HIVEP3: variants seen among roughly 807,000 people sequenced by gnomAD.
HIVEP3 encodes transcription factor HIVEP3.
In HIVEP3, 49 loss-of-function variants were observed where a neutral mutation model predicts 152.8. That is an observed-to-expected ratio of 0.32 (90% confidence interval 0.26 to 0.41). The LOEUF (loss-of-function observed/expected upper bound fraction) is 0.41, where lower values mean the gene tolerates loss of function less well. HIVEP3 is among the 10% of genes least tolerant of loss of function. The pLI, the probability that HIVEP3 is intolerant of heterozygous loss-of-function variation, is 1.00. For synonymous variants in HIVEP3, 1,269 were observed against 1,289.0 expected (o/e 0.98, Z 0.33); for missense variants, 2,790 against 3,103.3 (o/e 0.90, Z 2.40).
chr1:41,804,494 G>C (rs1650488014), intron 1 of HIVEP3, among the ~76,000 whole-genome samples: 1 of 152,194 alleles, frequency 6.6e-6, no homozygotes, highest in East Asian at 1.9e-4. Flanking sequence ...GCTCATTCAA[G>C]GTCATGTACT....
intron 2 of HIVEP3, among the ~76,000 whole-genome samples, chr1:41,631,348 G>A (rs774643552): frequency 6.6e-6 from 1 of 152,278 alleles, no homozygotes; most frequent in East Asian, 1.9e-4. Context: ...TCCAGGGCCC[G>A]TACTTTAATG....
chr1:41,512,714 C>T lies in HIVEP3; in HGVS notation c.6405+102G>A, dbSNP rs1041611493. On this transcript the variant is annotated intron_variant, in intron 8 of 8. Transcript: ENST00000372583. Reference sequence around the variant, plus strand: ...AAATTATTAATAACTACTGAGCTGGCAGAGCTGTTTAGTTCCAGGTGTGAT... The same window carrying T: ...AAATTATTAATAACTACTGAGCTGGTAGAGCTGTTTAGTTCCAGGTGTGAT... 8.7e-6 allele frequency: 8 copies of T among 916,664 alleles called. No homozygotes were observed. The East Asian group carries it at 2.2e-4, about 25-fold the overall frequency. The allele number at this position is 916,664 out of a possible 1,614,324, so 56.8% of individuals were successfully genotyped here.
chr1:41,764,111 G>A (rs1048418235), intron 1 of HIVEP3, among the ~76,000 whole-genome samples: 3 of 152,176 alleles, frequency 2.0e-5, no homozygotes, highest in African/African-American at 7.2e-5. Flanking sequence ...TGGGAAGGGT[G>A]GGTTGGGGAC....
At chr1:41,614,732 G>GC (rs1644943428) in intron 3 of HIVEP3, among the ~76,000 whole-genome samples, 1 of 152,178 alleles carries the variant, frequency 6.6e-6, no homozygotes, top group South Asian at 2.1e-4. Flanking sequence ...CACTTAGAAG[G>GC]CCCCACATGG....
intron 1 of HIVEP3, among the ~76,000 whole-genome samples, chr1:41,742,521 A>G (rs1384064941): frequency 6.6e-6 from 1 of 152,218 alleles, no homozygotes; most frequent in Non-Finnish European, 1.5e-5. Flanking sequence ...CAAGTCTCCC[A>G]GTGACTATCT....
chr1:41,871,865 A>G (rs1210829300), intron 1 of HIVEP3, among the ~76,000 whole-genome samples: 2 of 152,208 alleles, frequency 1.3e-5, no homozygotes, highest in African/African-American at 4.8e-5. Context: ...CCTTGGCCAC[A>G]TTGATGAGCC....
Position 41,805,144 on chromosome 1 carries a change from C to T in HIVEP3, c.-800-104149G>A, listed in dbSNP as rs577808860. On this transcript the variant is annotated intron_variant, in intron 1 of 8. Transcript: ENST00000372583. ...CTGAGGTCAGAAGTTCGAGACCAGC[C>T]TGGCCAACATGGGGAAACCCCATCT... Among the ~76,000 whole-genome samples, 8 of 152,290 alleles carry T rather than the reference C, an allele frequency of 5.3e-5. No homozygotes were observed. In the South Asian group the frequency reaches 1.7e-3, roughly 32 times the overall value.
intron 5 of HIVEP3, among the ~76,000 whole-genome samples, chr1:41,532,227 G>A (rs886311382): frequency 1.8e-4 from 27 of 149,508 alleles, no homozygotes; most frequent in African/African-American, 5.0e-4. Context: ...AGGAGAGATG[G>A]AGGACAGGGG....
rs557418757 is a variant in HIVEP3, at chr1:41,860,327, G to A, written c.-801+58086C>T. Among the ~76,000 whole-genome samples the A allele has an allele frequency of 2.0e-5, 3 of 152,266 alleles. No individual in the cohort carries two copies. In the South Asian group the frequency reaches 6.2e-4, roughly 32 times the overall value. On this transcript the variant is annotated intron_variant, in intron 1 of 8. Transcript: ENST00000372583. ...GATCAAATCCTACCACAACAAACAT[G>A]TTCATAATCAAGGTCAGCATAGCAC...
chr1:41,970,333 T>C (rs1490861405), intron 1 of HIVEP3, among the ~76,000 whole-genome samples: 1 of 152,226 alleles, frequency 6.6e-6, no homozygotes, highest in Non-Finnish European at 1.5e-5. Flanking sequence ...GTGGTGCATA[T>C]ACACCATGGA....
At chr1:41,678,804 G>A (rs1402334304) in intron 2 of HIVEP3, among the ~76,000 whole-genome samples, 1 of 152,204 alleles carries the variant, frequency 6.6e-6, no homozygotes, top group African/African-American at 2.4e-5. Context: ...TCTCCAGCCA[G>A]GAGGCCACAC....
At chr1:41,974,359 CA>C (rs1645247804) in intron 1 of HIVEP3, among the ~76,000 whole-genome samples, 1 of 151,902 alleles carries the variant, frequency 6.6e-6, no homozygotes, top group Non-Finnish European at 1.5e-5. Flanking sequence ...CGTTCCTGTC[CA>C]AACCCTTCCC....
At chr1:41,782,589 G>A (rs1649109268) in intron 1 of HIVEP3, among the ~76,000 whole-genome samples, 1 of 152,002 alleles carries the variant, frequency 6.6e-6, no homozygotes, top group African/African-American at 2.4e-5. Flanking sequence ...AAAATTAGCT[G>A]GGCGTGGTGG....
At chr1:41,920,287 T>C (rs1017767216), upstream of HIVEP3, among the ~76,000 whole-genome samples, 2 of 152,158 alleles carry the variant, frequency 1.3e-5, no homozygotes, top group Non-Finnish European at 2.9e-5. Flanking sequence ...ACCACAGACC[T>C]GAGCCCAGGA....
chr1:41,950,566 T>C lies in HIVEP3; in HGVS notation n.120-32042A>G, dbSNP rs114952623. On this transcript the variant is annotated intron_variant and non_coding_transcript_variant, in intron 1 of 3. Coordinates refer to the HIVEP3 transcript ENST00000489103. ...TTGTGCTTCTGAGTAGAATGCTCTA[T>C]CCCATCCATGCCTTCCCCTCTATTC... Among the ~76,000 whole-genome samples the C allele has an allele frequency of 1.3e-3, 205 of 152,340 alleles. 1 individual carries two copies. The highest frequency in any genetic ancestry group is 4.6e-3 in the African/African-American group (191 of 41,586).
At chr1:41,640,742 G>A (rs1046298520) in intron 2 of HIVEP3, among the ~76,000 whole-genome samples, 84 of 152,304 alleles carry the variant, frequency 5.5e-4, no homozygotes, top group South Asian at 2.1e-4. Context: ...TGTCTTCCAC[G>A]TGCAAAGGCT....
At chr1:41,963,479 G>A (rs1645180371) in intron 1 of HIVEP3, among the ~76,000 whole-genome samples, 1 of 151,060 alleles carries the variant, frequency 6.6e-6, no homozygotes, top group Admixed American at 6.6e-5. Context: ...GAGAACACTT[G>A]GACACAGGAA....
chr1:41,557,982 C>G (rs1643994557), intron 5 of HIVEP3, among the ~76,000 whole-genome samples: 1 of 152,184 alleles, frequency 6.6e-6, no homozygotes, highest in South Asian at 2.1e-4. Context: ...GCTGTTCTCT[C>G]CCAGCTTACA....
chr1:41,647,669 C>T (rs968031993), intron 2 of HIVEP3, among the ~76,000 whole-genome samples: 3 of 152,232 alleles, frequency 2.0e-5, no homozygotes, highest in African/African-American at 7.2e-5. Context: ...AGGGATCTGA[C>T]TGTGGGGCTG....
Sources: gnomAD v4.1 joint callset for allele counts (sites outside exome capture counted in the v4.1 genomes callset) on GRCh38, gnomAD v4.1.1 for gene constraint, MANE v1.5 for transcripts, NCBI Gene and HGNC (gene_info 2026-07-23, HGNC 2026-07-21) for gene names.